ANO2: variants seen among roughly 807,000 people sequenced by gnomAD.
The protein encoded by ANO2 is anoctamin-2.
In ANO2, 101 loss-of-function variants were observed where a neutral mutation model predicts 124.2. The ratio of observed to expected loss-of-function variants is 0.81; its 90% CI spans 0.69 to 0.96. ANO2 has a LOEUF of 0.96. Among genes scored for constraint, ANO2 ranks in the 40% least tolerant of loss-of-function variants. ANO2 has a pLI of 0.00. For synonymous variants in ANO2, 486 were observed against 482.5 expected (o/e 1.01, Z -0.09); for missense variants, 1,293 against 1,274.5 (o/e 1.01, Z -0.22).
At position 5,649,240 on chromosome 12, in the gene ANO2, C is replaced by G. The variant is rs75252783; in HGVS notation, c.1546-1439G>C. ...GCATGCCTGGAACTGAGCGATGGGT[C>G]GAGTTGGCTTACTAAATTGTGGTAG... is the stretch of plus-strand genomic sequence containing the variant. On this transcript the variant is annotated intron_variant, in intron 14 of 24. Transcript: ENST00000682330. 2.3e-3 allele frequency among the ~76,000 whole-genome samples: 346 copies of G among 152,224 alleles called. 7 individuals carry two copies. The East Asian group carries it at 0.048, about 21-fold the overall frequency.
intron 16 of ANO2, among the ~76,000 whole-genome samples, chr12:5,631,805 A>G (rs1157922609): frequency 6.6e-6 from 1 of 152,124 alleles, no homozygotes; most frequent in East Asian, 1.9e-4. Flanking sequence ...GGGGTGGAGG[A>G]GCACAGTGGG....
chr12:5,745,939 T>C (rs1951254190), intron 11 of ANO2, among the ~76,000 whole-genome samples: 1 of 152,196 alleles, frequency 6.6e-6, no homozygotes, highest in African/African-American at 2.4e-5. Flanking sequence ...GAATTGCTAT[T>C]TTCAGAGAGG....
rs965079803 is a variant in ANO2 at position 5,862,555 on chromosome 12, A to C, written c.535-8414T>G. Among the ~76,000 whole-genome samples, 1 of 152,184 alleles carries C rather than the reference A, an allele frequency of 6.6e-6. No individual in the cohort carries two copies. The highest frequency in any genetic ancestry group is 2.4e-5 in the African/African-American group (1 of 41,458). On this transcript the variant is annotated intron_variant, in intron 3 of 24. Transcript: ENST00000682330. This position sits in a 1 kb window ranked among gnomAD's most constrained non-coding sequence, Gnocchi z 4.0. Reference sequence around the variant, plus strand: ...GGAACAACTCCTCAAAGCCCAAGTGAAGAGGAAGCAGTGAGGGGAGCCCAG... The same window carrying C: ...GGAACAACTCCTCAAAGCCCAAGTGCAGAGGAAGCAGTGAGGGGAGCCCAG...
At chr12:5,613,095 G>A in intron 17 of ANO2, 137 bp from the exon 18 acceptor site, 1 of 807,120 alleles carries the variant, frequency 1.2e-6, no homozygotes, top group Middle Eastern at 2.5e-4. Context: ...AGATCACTCA[G>A]GGATAGGAGT....
intron 14 of ANO2, among the ~76,000 whole-genome samples, chr12:5,723,472 T>C (rs901076154): frequency 5.3e-5 from 8 of 152,114 alleles, no homozygotes; most frequent in Non-Finnish European, 7.4e-5. Context: ...TCTCTACCCA[T>C]ACATTTCCTT....
At chr12:5,872,324 C>G (rs1937753925) in intron 3 of ANO2, among the ~76,000 whole-genome samples, 2 of 152,080 alleles carry the variant, frequency 1.3e-5, no homozygotes, top group South Asian at 4.1e-4. Context: ...CTTGGGATGG[C>G]CCCAAGGAGC....
rs544572935 is a variant in ANO2, at chr12:5,575,795, T to C, written c.2621+39A>G. 9.2e-5 allele frequency: 147 copies of C among 1,596,650 alleles called. 1 individual carries two copies. In the South Asian group the frequency reaches 1.4e-3, roughly 15 times the overall value. On this transcript the variant is annotated intron_variant, in intron 23 of 24. Transcript: ENST00000682330. ...CCCGTAATTATTTGGATCTATTGCT[T>C]CTGGTCCTCTGCTGCCCTTCTCCTG...
In ANO2 at chr12:5,881,258, C is replaced by T. The variant is rs187893061; in HGVS notation, c.535-27117G>A. ...CAATTTTTAACACACACCATCTAATCTAAAGAAACCCACATATGCATGCAT... is the reference window on the plus strand; with the variant it reads ...CAATTTTTAACACACACCATCTAATTTAAAGAAACCCACATATGCATGCAT... On this transcript the variant is annotated intron_variant, in intron 3 of 24. Transcript: ENST00000682330. Among the ~76,000 whole-genome samples the T allele has an allele frequency of 1.8e-4, 28 of 152,280 alleles. No homozygotes were observed. In the East Asian group the frequency reaches 4.4e-3, roughly 24 times the overall value.
At chr12:5,794,021 A>T (rs748522991) in intron 10 of ANO2, among the ~76,000 whole-genome samples, 1 of 152,224 alleles carries the variant, frequency 6.6e-6, no homozygotes, top group Non-Finnish European at 1.5e-5. Context: ...ATGGACCAGA[A>T]TGTAATGGCA....
At chr12:5,788,798 A>G (rs975419063) in intron 10 of ANO2, among the ~76,000 whole-genome samples, 1 of 152,180 alleles carries the variant, frequency 6.6e-6, no homozygotes, top group African/African-American at 2.4e-5. Flanking sequence ...ACCTCAGGTG[A>G]TCCGCCCACC....
chr12:5,813,802 C>A (rs1404674022), intron 7 of ANO2, among the ~76,000 whole-genome samples: 1 of 152,148 alleles, frequency 6.6e-6, no homozygotes, highest in Non-Finnish European at 1.5e-5. Context: ...TCATGTGGCT[C>A]CTTTGAATCA....
At chr12:5,719,749 C>T (rs897938754) in intron 14 of ANO2, among the ~76,000 whole-genome samples, 3 of 152,232 alleles carry the variant, frequency 2.0e-5, no homozygotes, top group African/African-American at 2.4e-5. Flanking sequence ...CAGAAACCAA[C>T]TGAGACACTC....
At chr12:5,638,109 C>T (rs1269942596) in intron 15 of ANO2, among the ~76,000 whole-genome samples, 1 of 152,108 alleles carries the variant, frequency 6.6e-6, no homozygotes, top group Non-Finnish European at 1.5e-5. Context: ...GTGATTGATC[C>T]AAGGTCTGGA....
At chr12:5,610,871 A>C (rs1591730648) in intron 19 of ANO2, among the ~76,000 whole-genome samples, 1 of 145,602 alleles carries the variant, frequency 6.9e-6, no homozygotes, top group East Asian at 2.1e-4. Flanking sequence ...ACCCTAAGGG[A>C]AATTATTTCT....
In ANO2 at chr12:5,786,371, C is replaced by T. The variant is rs533565320; in HGVS notation, c.1055+13136G>A. Among the ~76,000 whole-genome samples, 15 of 152,316 alleles carry T rather than the reference C, an allele frequency of 9.8e-5. 1 individual carries two copies. The highest frequency in any genetic ancestry group is 7.8e-4 in the Admixed American group (12 of 15,304). On this transcript the variant is annotated intron_variant, in intron 10 of 24. Coordinates refer to ENST00000682330, the MANE Select transcript of ANO2 (RefSeq NM_001364791.2). ...TGACCCCACACATCCTTCTAACTCCCGGGTCAGTACTGTCTGTATTAAACT... is the reference window on the plus strand; with the variant it reads ...TGACCCCACACATCCTTCTAACTCCTGGGTCAGTACTGTCTGTATTAAACT...
At chr12:5,872,503 G>A (rs1344937180) in intron 3 of ANO2, among the ~76,000 whole-genome samples, 1 of 152,194 alleles carries the variant, frequency 6.6e-6, no homozygotes, top group African/African-American at 2.4e-5. Context: ...ACTAACAGCA[G>A]ATATCAGGCC....
At chr12:5,601,764 A>G (rs1448580364) in intron 19 of ANO2, among the ~76,000 whole-genome samples, 1 of 152,278 alleles carries the variant, frequency 6.6e-6, no homozygotes, top group East Asian at 1.9e-4. Context: ...TTTAAAAAGT[A>G]TAAAACCACA....
At chr12:5,628,319 C>G (rs552780219) in intron 16 of ANO2, among the ~76,000 whole-genome samples, 1 of 152,194 alleles carries the variant, frequency 6.6e-6, no homozygotes, top group Non-Finnish European at 1.5e-5. Flanking sequence ...CAGAAATACT[C>G]GACCTCTTGT....
chr12:5,762,978 C>T (rs537625585), intron 10 of ANO2, among the ~76,000 whole-genome samples: 1 of 152,046 alleles, frequency 6.6e-6, no homozygotes, highest in Non-Finnish European at 1.5e-5. Flanking sequence ...TTTCATACAA[C>T]TATGTCAATT....
Sources: gnomAD v4.1 joint callset for allele counts (sites outside exome capture counted in the v4.1 genomes callset) on GRCh38, gnomAD v4.1.1 for gene constraint, Gnocchi (gnomAD v3.1) non-coding constraint, MANE v1.5 for transcripts, NCBI Gene and HGNC (gene_info 2026-07-23, HGNC 2026-07-21) for gene names.